The following CCDC171 variants were observed in gnomAD, a reference collection of about 807,000 sequenced individuals.
CCDC171 encodes the protein coiled-coil domain containing 171.
CCDC171 carries 177 observed loss-of-function variants against 168.2 expected under a neutral mutation model. That is an observed-to-expected ratio of 1.05 (90% confidence interval 0.93 to 1.19). The LOEUF (loss-of-function observed/expected upper bound fraction) is 1.19. Ranked by LOEUF, CCDC171 falls within the 50% of genes most tolerant of loss-of-function variation. CCDC171 has a pLI of 0.00. For missense variants in CCDC171, 1,991 were observed against 1,539.0 expected, an observed-to-expected ratio of 1.29 and a Z score of -4.91; for synonymous variants, 687 against 540.8, an observed-to-expected ratio of 1.27 and a Z score of -3.75.
At chr9:16,001,588 A>G (rs1832546336) in intron 3 of CCDC171, among the ~76,000 whole-genome samples, 3 of 152,144 alleles carry the variant, frequency 2.0e-5, no homozygotes, top group African/African-American at 7.2e-5. Flanking sequence ...TCAGTCAACC[A>G]TGAACCGCAT....
At chr9:15,623,460 CAT>C (rs200773028) in intron 7 of CCDC171, 47 bp downstream of exon 7, 12,208 of 1,198,202 alleles carry the variant, frequency 0.01, 163 homozygotes, top group Admixed American at 0.012. Flanking sequence ...CAAACTTTCA[CAT>C]ATGCGCGCGC....
At chr9:15,906,358 G>A (rs989501858) in intron 24 of CCDC171, among the ~76,000 whole-genome samples, 1 of 152,112 alleles carries the variant, frequency 6.6e-6, no homozygotes, top group African/African-American at 2.4e-5. Flanking sequence ...GGGATGCAAA[G>A]CTGGTTCAAC....
chr9:15,636,337 G>C (rs117511357), intron 7 of CCDC171, among the ~76,000 whole-genome samples: 2,230 of 152,186 alleles, frequency 0.015, 25 homozygotes, highest in South Asian at 0.033. Flanking sequence ...AATTATATTT[G>C]AAATAGTATT....
intron 6 of CCDC171, among the ~76,000 whole-genome samples, chr9:16,033,447 C>T (rs1422605595): frequency 3.3e-5 from 5 of 152,158 alleles, no homozygotes; most frequent in Non-Finnish European, 5.9e-5. Context: ...TTGTAAACCG[C>T]GCATGCGTGG....
chr9:15,943,896 G>A (rs912342861), intron 25 of CCDC171, among the ~76,000 whole-genome samples: 1 of 151,908 alleles, frequency 6.6e-6, no homozygotes, highest in East Asian at 1.9e-4. Context: ...AGATGGTTAG[G>A]GAATATTTTT....
intron 25 of CCDC171, among the ~76,000 whole-genome samples, chr9:15,961,615 A>G (rs901623968): frequency 1.3e-5 from 2 of 152,196 alleles, no homozygotes; most frequent in African/African-American, 4.8e-5. Context: ...TTTTCCAAAC[A>G]TGAAAAACAC....
chr9:15,740,147 T>G (rs1242493877), intron 16 of CCDC171, among the ~76,000 whole-genome samples: 1 of 152,188 alleles, frequency 6.6e-6, no homozygotes, highest in Non-Finnish European at 1.5e-5. Context: ...TTGCCTGTAT[T>G]TTCTTCTAAT....
At chr9:16,092,896 C>G in the CCDC171 span, among the ~76,000 whole-genome samples, 1 of 152,204 alleles carries the variant, frequency 6.6e-6, no homozygotes, top group Non-Finnish European at 1.5e-5. Context: ...GAGCCTCGTG[C>G]CCGGCTGGCC....
At chr9:16,016,791 A>G (rs79988061) in intron 3 of CCDC171, among the ~76,000 whole-genome samples, 1 of 152,232 alleles carries the variant, frequency 6.6e-6, no homozygotes, top group African/African-American at 2.4e-5. Context: ...ACTCTAATGT[A>G]ATGAATAATT....
intron 6 of CCDC171, among the ~76,000 whole-genome samples, chr9:15,610,270 G>A (rs1333375250): frequency 6.7e-6 from 1 of 150,112 alleles, no homozygotes; most frequent in African/African-American, 2.5e-5. Flanking sequence ...TGCTGCAAAG[G>A]CTGGAAATGC....
At chr9:16,080,613 C>A in the CCDC171 span, among the ~76,000 whole-genome samples, 1 of 152,174 alleles carries the variant, frequency 6.6e-6, no homozygotes, top group African/African-American at 2.4e-5. Context: ...ACTCATCTTT[C>A]GTGAGATCTT....
intron 25 of CCDC171, among the ~76,000 whole-genome samples, chr9:15,925,324 C>G (rs1173507882): frequency 1.3e-5 from 2 of 151,422 alleles, no homozygotes; most frequent in African/African-American, 4.8e-5. Context: ...TGCAAAAGAA[C>G]AGTGATCTAG....
chr9:15,804,666 G>T (rs970774498), intron 21 of CCDC171, among the ~76,000 whole-genome samples: 2 of 152,034 alleles, frequency 1.3e-5, no homozygotes, highest in African/African-American at 4.8e-5. Flanking sequence ...TTGCATTGAT[G>T]TTCATTAAGA....
In CCDC171 at chr9:15,781,229, A is replaced by C. The variant is rs571923578; in HGVS notation, c.3081+2079A>C. On this transcript the variant is annotated intron_variant, in intron 20 of 25. Transcript: ENST00000380701. Reference sequence around the variant, plus strand: ...AAGTTTGCATCTTTGATTAGTTTAGAAGTAGTCAGGACTTAATTTCTAGAA... The same window carrying C: ...AAGTTTGCATCTTTGATTAGTTTAGCAGTAGTCAGGACTTAATTTCTAGAA... 1.0e-3 allele frequency among the ~76,000 whole-genome samples: 157 copies of C among 152,302 alleles called. 2 individuals are homozygous for C. Among genetic ancestry groups the C allele is most frequent in the African/African-American group, 3.4e-3 (143 of 41,564 alleles).
At chr9:15,559,655 C>A (rs1320717463) in intron 1 of CCDC171, among the ~76,000 whole-genome samples, 1 of 152,140 alleles carries the variant, frequency 6.6e-6, no homozygotes, top group Non-Finnish European at 1.5e-5. Context: ...CTCCTCAGTA[C>A]AGCACACTGA....
At chr9:15,968,802 GTGCT>G (rs1564086046) in intron 25 of CCDC171, among the ~76,000 whole-genome samples, 1 of 152,142 alleles carries the variant, frequency 6.6e-6, no homozygotes, top group Non-Finnish European at 1.5e-5. Context: ...GCCTCCCAAA[GTGCT>G]GGGATTACAA....
At chr9:15,912,682 A>C (rs1245091196) in intron 24 of CCDC171, among the ~76,000 whole-genome samples, 1 of 152,158 alleles carries the variant, frequency 6.6e-6, no homozygotes, top group Non-Finnish European at 1.5e-5. Flanking sequence ...GTTTGTCATA[A>C]ATAGCTCTTA....
At chr9:15,737,261 T>G (rs4741536) in intron 16 of CCDC171, among the ~76,000 whole-genome samples, 144,480 of 152,218 alleles carry the variant, frequency 0.95, 68,606 homozygotes, top group East Asian at 1. Context: ...ATACTATATA[T>G]TTTTTTCCTC....
At chr9:15,558,724 C>G (rs1313154724) in intron 1 of CCDC171, among the ~76,000 whole-genome samples, 3 of 152,034 alleles carry the variant, frequency 2.0e-5, no homozygotes, top group Admixed American at 6.6e-5. Context: ...TTTTGTGTCT[C>G]TATCTCCTTC....
Sources: allele counts gnomAD v4.1 joint callset (sites outside exome capture counted in the v4.1 genomes callset), GRCh38; gene constraint gnomAD v4.1.1; transcripts MANE v1.5; gene names NCBI Gene and HGNC (gene_info 2026-07-23, HGNC 2026-07-21).